DNTT: variants seen among roughly 807,000 people sequenced by gnomAD.
DNTT encodes DNA nucleotidylexotransferase, also known as nucleosidetriphosphate:DNA deoxynucleotidylexotransferase.
In DNTT, 47 loss-of-function variants were observed where a neutral mutation model predicts 60.9. The ratio of observed to expected loss-of-function variants is 0.77; its 90% confidence interval spans 0.61 to 0.98. DNTT has a LOEUF of 0.98. Among genes scored for constraint, DNTT ranks in the 50% least tolerant of loss-of-function variants. The pLI is 0.00. For synonymous variants in DNTT, 224 were observed against 221.2 expected, an observed-to-expected ratio of 1.01 and a Z score of -0.11; for missense variants, 665 against 627.5, an observed-to-expected ratio of 1.06 and a Z score of -0.64.
chr10:96,314,402 C>CTTTTTGTTTTTTT, intron 1 of DNTT, among the ~76,000 whole-genome samples: 1 of 53,230 alleles, frequency 1.9e-5, no homozygotes, highest in Non-Finnish European at 3.9e-5. Context: ...TATCTCTTCC[C>CTTTTTGTTTTTTT]TTTTTTTTTT....
chr10:96,318,756 G>A (rs551835843), intron 2 of DNTT, among the ~76,000 whole-genome samples: 3 of 152,310 alleles, frequency 2.0e-5, no homozygotes, highest in East Asian at 3.9e-4. Flanking sequence ...CATGTAAAGC[G>A]CTGAACACAA....
At position 96,309,280 on chromosome 10, in the gene DNTT, G is replaced by A. The variant is rs954068758; in HGVS notation, c.203+4580G>A. Among the ~76,000 whole-genome samples the A allele has an allele frequency of 1.1e-4, 16 of 152,118 alleles. 1 individual carries two copies. The highest frequency in any genetic ancestry group is 3.4e-4 in the African/African-American group (14 of 41,428). ...GCAGCATCATGTCATCACCAATAAA[G>A]GGCTTTGTTAGTACCTACTCTGTGC... On this transcript the variant is annotated intron_variant, in intron 1 of 10. Coordinates refer to ENST00000371174, the MANE Select transcript of DNTT (RefSeq NM_004088.4).
chr10:96,315,361 C>G (rs1844775005), intron 1 of DNTT, among the ~76,000 whole-genome samples: 1 of 152,010 alleles, frequency 6.6e-6, no homozygotes, highest in Non-Finnish European at 1.5e-5. Flanking sequence ...CAATACTGAG[C>G]TCTGAGTAGC....
At chr10:96,313,182 A>T (rs906845431) in intron 1 of DNTT, among the ~76,000 whole-genome samples, 4 of 152,200 alleles carry the variant, frequency 2.6e-5, no homozygotes, top group Non-Finnish European at 4.4e-5. Flanking sequence ...TGGCCAAGAA[A>T]TTAGGAGAAG....
At chr10:96,332,652 A>G in intron 9 of DNTT, 56 bp downstream of exon 9, 1 of 1,588,100 alleles carries the variant, frequency 6.3e-7, no homozygotes, top group South Asian at 1.1e-5. Context: ...ACGTAGGCCG[A>G]GTCTACCTGG....
chr10:96,316,247 A>G (rs1274608534), intron 1 of DNTT, among the ~76,000 whole-genome samples: 1 of 152,176 alleles, frequency 6.6e-6, no homozygotes, highest in Non-Finnish European at 1.5e-5. Context: ...CCCTGAATTC[A>G]TCTTTCATAG....
chr10:96,313,514 G>T (rs182060531), intron 1 of DNTT, among the ~76,000 whole-genome samples: 1 of 152,182 alleles, frequency 6.6e-6, no homozygotes, highest in Non-Finnish European at 1.5e-5. Flanking sequence ...AACGTTAAGA[G>T]GTTGCTTGAG....
At chr10:96,328,890 G>T (rs757176208) in intron 8 of DNTT, 60 bp downstream of exon 8, 8 of 1,512,320 alleles carry the variant, frequency 5.3e-6, no homozygotes, top group Non-Finnish European at 7.3e-6. Context: ...CTTGAATTTT[G>T]CACATTACTT....
intron 5 of DNTT, 26 bp downstream of exon 5, chr10:96,322,754 G>A (rs764935316): frequency 3.9e-6 from 6 of 1,557,544 alleles, no homozygotes; most frequent in Non-Finnish European, 5.3e-6. Flanking sequence ...TATATTTATT[G>A]AAAATTGTTT....
chr10:96,305,472 A>T lies in DNTT; in HGVS notation c.203+772A>T, dbSNP rs191670178. On this transcript the variant is annotated intron_variant, in intron 1 of 10. Transcript: ENST00000371174. Reference sequence around the variant, plus strand: ...TCACTGATCTCAAATAGATGAAGAGAAAACAAGCAAAATCCAGAAACAAAT... The same window carrying T: ...TCACTGATCTCAAATAGATGAAGAGTAAACAAGCAAAATCCAGAAACAAAT... 1.3e-3 allele frequency among the ~76,000 whole-genome samples: 196 copies of T among 152,352 alleles called. 1 individual carries two copies. The South Asian group carries it at 0.018, about 14-fold the overall frequency.
intron 6 of DNTT, among the ~76,000 whole-genome samples, chr10:96,325,558 A>G (rs951765694): frequency 2.6e-5 from 4 of 152,230 alleles, no homozygotes; most frequent in African/African-American, 9.6e-5. Flanking sequence ...AGGGCTTCCA[A>G]TTCCCTAGCT....
At chr10:96,334,084 C>A (rs1845039037) in intron 9 of DNTT, among the ~76,000 whole-genome samples, 1 of 151,968 alleles carries the variant, frequency 6.6e-6, no homozygotes, top group African/African-American at 2.4e-5. Context: ...TATTATAACC[C>A]ACAAATGCAT....
At chr10:96,315,272 G>A (rs1227788422) in intron 1 of DNTT, among the ~76,000 whole-genome samples, 1 of 150,662 alleles carries the variant, frequency 6.6e-6, no homozygotes, top group Non-Finnish European at 1.5e-5. Flanking sequence ...AACTATTTTG[G>A]TGATGTCAAA....
At chr10:96,328,862 G>C in intron 8 of DNTT, 32 bp downstream of exon 8, 1 of 1,591,372 alleles carries the variant, frequency 6.3e-7, no homozygotes, top group Non-Finnish European at 8.6e-7. Flanking sequence ...ACATGCACAC[G>C]CAAACATTAT....
rs922278712 is a variant in DNTT at position 96,327,568 on chromosome 10, T to C, written c.975T>C (p.Asp325=). The C allele has an allele frequency of 4.3e-6, 7 of 1,613,916 alleles. No individual in the cohort carries two copies. The highest frequency in any genetic ancestry group is 5.1e-6 in the Non-Finnish European group (6 of 1,179,968). Residue 325 remains aspartate (D), a synonymous_variant, in exon 7 of 11, where the codon GAT becomes GAC. Coordinates refer to ENST00000371174, the MANE Select transcript of DNTT (RefSeq NM_004088.4). ...VKEAVWAFLP[D]AFVTMTGGFR... is the part of the protein sequence containing the mutation. ...AGGCTGTCTGGGCATTTCTTCCGGA[T>C]GCTTTCGTCACCATGACAGGAGGGT... is the stretch of plus-strand genomic sequence containing the variant.
In DNTT at chr10:96,338,488, G is replaced by C. The variant is rs1008127636; in HGVS notation, c.*264G>C. On this transcript the variant is annotated 3_prime_UTR_variant, in exon 11 of 11. Coordinates refer to ENST00000371174, the MANE Select transcript of DNTT (RefSeq NM_004088.4). ...ATGTTGTCACTGGTGGCTCATTCAG[G>C]GAAGCTCATCAAAGCCCACTTTGTT... The C allele has an allele frequency of 5.3e-5, 15 of 283,848 alleles. No individual in the cohort carries two copies. Among genetic ancestry groups the C allele is most frequent in the South Asian group, 8.2e-5 (1 of 12,244 alleles). 17.6% of individuals were successfully genotyped at this position (283,848 alleles called of 1,614,324 possible). A position where few individuals can be genotyped will look rare whatever the true frequency, so the allele number is the denominator to read the frequency against.
chr10:96,320,938 GTCTCTCTCTCTCTCTC>G lies in DNTT; in HGVS notation c.678+166_678+181del, dbSNP rs57273993. The stretch of plus-strand genomic sequence containing the variant: ...ATACATATTCCTCTCTCTCTCCTCT[GTCTCTCTCTCTCTCTC>G]TCTCTCTCTCTCTCTGTTTATTTTT... On this transcript the variant is annotated intron_variant, in intron 4 of 10. Transcript: ENST00000371174. 2.3e-4 allele frequency: 129 copies of G among 549,012 alleles called. 2 individuals carry two copies. The East Asian group carries it at 3.5e-3, about 15-fold the overall frequency. 34.0% of individuals were successfully genotyped at this position (549,012 alleles called of 1,614,324 possible).
At chr10:96,309,269 TC>T (rs1209427642) in intron 1 of DNTT, among the ~76,000 whole-genome samples, 1 of 152,192 alleles carries the variant, frequency 6.6e-6, no homozygotes, top group East Asian at 1.9e-4. Context: ...CATCATGTCA[TC>T]ACCAATAAAG....
chr10:96,307,718 TATATATATATATATAA>T (rs1409955534), intron 1 of DNTT, among the ~76,000 whole-genome samples: 5 of 141,178 alleles, frequency 3.5e-5, no homozygotes, highest in African/African-American at 1.3e-4. Context: ...TATATATATA[TATATATATATATATAA>T]GCATATATAT....
Sources: gnomAD v4.1 joint callset for allele counts (sites outside exome capture counted in the v4.1 genomes callset) on GRCh38, gnomAD v4.1.1 for gene constraint, MANE v1.5 for transcripts, NCBI Gene and HGNC (gene_info 2026-07-23, HGNC 2026-07-21) for gene names.